EPS8: variants seen among roughly 807,000 people sequenced by gnomAD.
EPS8 encodes epidermal growth factor receptor kinase substrate 8.
Under a neutral mutation model 103.8 loss-of-function variants are expected in EPS8, and 42 were observed. The observed-to-expected ratio is 0.40, with a 90% confidence interval of 0.32 to 0.52. The LOEUF is 0.52. Ranked by LOEUF, EPS8 falls within the 20% of genes least tolerant of loss-of-function variation. The pLI is 0.40. For synonymous variants in EPS8, 344 were observed against 344.6 expected, an observed-to-expected ratio of 1.00 and a Z score of 0.02; for missense variants, 969 against 1,005.1, an observed-to-expected ratio of 0.96 and a Z score of 0.49.
intron 1 of EPS8, among the ~76,000 whole-genome samples, chr12:15,686,446 C>G (rs955308841): frequency 1.3e-5 from 2 of 152,122 alleles, no homozygotes; most frequent in Admixed American, 6.6e-5. Context: ...GTAACAGCAT[C>G]AATTTCCTTA....
At chr12:15,638,606 T>C (rs145952675) in intron 17 of EPS8, among the ~76,000 whole-genome samples, 1 of 152,320 alleles carries the variant, frequency 6.6e-6, no homozygotes, top group East Asian at 1.9e-4. Context: ...TTGAAAAGTT[T>C]AAAACGAAAT....
At chr12:15,627,296 G>A (rs1370217498) in intron 18 of EPS8, among the ~76,000 whole-genome samples, 2 of 152,072 alleles carry the variant, frequency 1.3e-5, no homozygotes, top group Non-Finnish European at 2.9e-5. Flanking sequence ...GAGCCACCGC[G>A]CCCAGCCAAC....
chr12:15,769,542 A>T lies in EPS8; in HGVS notation c.-22+19619T>A, dbSNP rs1026544938. 6.6e-6 allele frequency among the ~76,000 whole-genome samples: 1 copy of T among 152,210 alleles called. No individual in the cohort carries two copies. Among genetic ancestry groups the T allele is most frequent in the African/African-American group, 2.4e-5 (1 of 41,464 alleles). Reference sequence around the variant, plus strand: ...TTGTTGGCAAATATTAAGAAAAAACATTTTCACAGAAATATCTTGAGTATA... The same window carrying T: ...TTGTTGGCAAATATTAAGAAAAAACTTTTTCACAGAAATATCTTGAGTATA... On this transcript the variant is annotated intron_variant, in intron 1 of 20. Transcript: ENST00000281172. The surrounding 1 kb of genome is among the most constrained non-coding windows in gnomAD (Gnocchi z 4.6).
At position 15,777,282 on chromosome 12, in the gene EPS8, C is replaced by A. The variant is rs1947216872; in HGVS notation, c.-22+11879G>T. On this transcript the variant is annotated intron_variant, in intron 1 of 20. Coordinates refer to ENST00000281172, the MANE Select transcript of EPS8 (RefSeq NM_004447.6). The surrounding 1 kb of genome is among the most constrained non-coding windows in gnomAD (Gnocchi z 4.7). The stretch of plus-strand genomic sequence containing the variant: ...TTACAAAGCAGAATGAAAAAAAACA[C>A]ACACACACACACAAAACAAAACAAA... Among the ~76,000 whole-genome samples, 1 of 151,436 alleles carries A rather than the reference C, an allele frequency of 6.6e-6. No homozygotes were observed. The highest frequency in any genetic ancestry group is 6.6e-5 in the Admixed American group (1 of 15,192).
In EPS8 at chr12:15,682,889, T is replaced by C. The variant is rs757847043; in HGVS notation, c.59+4A>G. ...ACATATTAAATATAAACTTTTCAAC[T>C]TACTTCATCTGAGATGGGTACATTC... On this transcript the variant is annotated splice_donor_region_variant and intron_variant, in intron 2 of 20. Coordinates refer to ENST00000281172, the MANE Select transcript of EPS8 (RefSeq NM_004447.6). 1.4e-6 allele frequency: 2 copies of C among 1,455,010 alleles called. No individual in the cohort carries two copies. Among genetic ancestry groups the C allele is most frequent in the Admixed American group, 3.6e-5 (2 of 55,364 alleles). 90.1% of individuals were successfully genotyped at this position (1,455,010 alleles called of 1,614,324 possible). A position where few individuals can be genotyped will look rare whatever the true frequency, so the allele number is the denominator to read the frequency against.
At chr12:15,649,226 T>C (rs1945371194) in intron 14 of EPS8, among the ~76,000 whole-genome samples, 1 of 152,192 alleles carries the variant, frequency 6.6e-6, no homozygotes. Context: ...GACAAACTTA[T>C]ATCCTGGGAG....
rs1290489211 is a variant in EPS8 at position 15,762,404 on chromosome 12, T to C, written c.-22+26757A>G. ...TGCCTCAAAAAACTAAAAGGAGAGCTACATTATGATCCAGCAATCGCGCTG... is the reference window on the plus strand; with the variant it reads ...TGCCTCAAAAAACTAAAAGGAGAGCCACATTATGATCCAGCAATCGCGCTG... On this transcript the variant is annotated intron_variant, in intron 1 of 20. Transcript: ENST00000281172. This position sits in a 1 kb window ranked among gnomAD's most constrained non-coding sequence, Gnocchi z 4.8. Among the ~76,000 whole-genome samples the C allele has an allele frequency of 6.6e-6, 1 of 152,160 alleles. No individual in the cohort carries two copies. Among genetic ancestry groups the C allele is most frequent in the Non-Finnish European group, 1.5e-5 (1 of 68,022 alleles).
chr12:15,758,627 C>T (rs373033164), intron 1 of EPS8, among the ~76,000 whole-genome samples: 8 of 152,202 alleles, frequency 5.3e-5, no homozygotes, highest in Non-Finnish European at 8.8e-5. Context: ...GATAACTAAA[C>T]GCAACACATT....
Position 15,698,355 on chromosome 12 carries a change from C to T in EPS8, c.-21-15383G>A, listed in dbSNP as rs1264728090. 6.6e-6 allele frequency among the ~76,000 whole-genome samples: 1 copy of T among 152,026 alleles called. No homozygotes were observed. The highest frequency in any genetic ancestry group is 2.4e-5 in the African/African-American group (1 of 41,376). On this transcript the variant is annotated intron_variant, in intron 1 of 20. Transcript: ENST00000281172. This position sits in a 1 kb window ranked among gnomAD's most constrained non-coding sequence, Gnocchi z 4.9. ...AGTTAAAACAGAAAAAATTCAGCAG[C>T]TCTAGCTTCTAACGAGAACTACTCA...
At chr12:15,753,346 A>G (rs1472373487) in intron 1 of EPS8, among the ~76,000 whole-genome samples, 2 of 152,228 alleles carry the variant, frequency 1.3e-5, no homozygotes, top group African/African-American at 4.8e-5. Flanking sequence ...GATCTCGATG[A>G]AGCTCTGTAG....
intron 1 of EPS8, among the ~76,000 whole-genome samples, chr12:15,715,661 G>C (rs564891767): frequency 6.6e-5 from 10 of 151,766 alleles, no homozygotes; most frequent in African/African-American, 1.9e-4. Flanking sequence ...CTAATTTTTT[G>C]TGTTTTTAAT....
intron 20 of EPS8, 50 bp from the exon 21 acceptor site, chr12:15,621,480 C>A: frequency 2.0e-6 from 2 of 999,124 alleles, no homozygotes; most frequent in Non-Finnish European, 3.0e-6. Context: ...GTGCAGGCTG[C>A]AGGTCATATC....
chr12:15,772,184 G>C lies in EPS8; in HGVS notation c.-22+16977C>G, dbSNP rs1947162161. Among the ~76,000 whole-genome samples, 3 of 152,046 alleles carry C rather than the reference G, an allele frequency of 2.0e-5. No homozygotes were observed. The highest frequency in any genetic ancestry group is 2.1e-4 in the South Asian group (1 of 4,820). ...GGGGCAGAAAGGTGGGTAAGAAAAA[G>C]AGTCCAGGAAAAATTCAGATTTCTA... On this transcript the variant is annotated intron_variant, in intron 1 of 20. Transcript: ENST00000281172. The surrounding 1 kb of genome is among the most constrained non-coding windows in gnomAD (Gnocchi z 5.0).
At chr12:15,723,815 T>G (rs1340041251) in intron 1 of EPS8, among the ~76,000 whole-genome samples, 1 of 152,148 alleles carries the variant, frequency 6.6e-6, no homozygotes, top group Non-Finnish European at 1.5e-5. Context: ...AGTAAAGTCA[T>G]TTTATACTTA....
In EPS8 at chr12:15,669,833, T is replaced by C. The variant is rs180899529; in HGVS notation, c.205-8A>G. 29 of 1,575,852 alleles carry C rather than the reference T, an allele frequency of 1.8e-5. No homozygotes were observed. Among genetic ancestry groups the C allele is most frequent in the Admixed American group, 9.7e-5 (5 of 51,346 alleles). On this transcript the variant is annotated splice_polypyrimidine_tract_variant and splice_region_variant and intron_variant, in intron 4 of 20. Coordinates refer to ENST00000281172, the MANE Select transcript of EPS8 (RefSeq NM_004447.6). ...GACAAAGGTAGTCAAGTGCTTACAATTGGCAAAAAGGAAAAAGATTTATAA... is the reference window on the plus strand; with the variant it reads ...GACAAAGGTAGTCAAGTGCTTACAACTGGCAAAAAGGAAAAAGATTTATAA...
rs976055270 is a variant in EPS8, at chr12:15,735,957, C to T, written c.-21-52985G>A. 2.6e-5 allele frequency among the ~76,000 whole-genome samples: 4 copies of T among 152,202 alleles called. No individual in the cohort carries two copies. Among genetic ancestry groups the T allele is most frequent in the East Asian group, 3.8e-4 (2 of 5,204 alleles). On this transcript the variant is annotated intron_variant, in intron 1 of 20. Coordinates refer to ENST00000281172, the MANE Select transcript of EPS8 (RefSeq NM_004447.6). The surrounding 1 kb of genome is among the most constrained non-coding windows in gnomAD (Gnocchi z 4.4). ...CTGAAGTACAGTGTCATTATCATAG[C>T]TCACTGCAGCCTCAACCTCCTGGGC...
At chr12:15,768,310 C>T (rs1318863214) in intron 1 of EPS8, among the ~76,000 whole-genome samples, 1 of 150,906 alleles carries the variant, frequency 6.6e-6, no homozygotes, top group Non-Finnish European at 1.5e-5. Flanking sequence ...TGGTGGCGGG[C>T]ACCTGTAATC....
intron 1 of EPS8, among the ~76,000 whole-genome samples, chr12:15,694,378 T>C (rs1287213731): frequency 6.6e-6 from 1 of 152,192 alleles, no homozygotes; most frequent in African/African-American, 2.4e-5. Flanking sequence ...AAATTCTGTT[T>C]TCAAATCCCA....
At position 15,780,971 on chromosome 12, in the gene EPS8, C is replaced by T. The variant is rs1035267377; in HGVS notation, c.-22+8190G>A. Reference sequence around the variant, plus strand: ...GTGTCATATGGCTGACACATATGGTCATATGTTGGCCTTAAATACATCAGG... The same window carrying T: ...GTGTCATATGGCTGACACATATGGTTATATGTTGGCCTTAAATACATCAGG... On this transcript the variant is annotated intron_variant, in intron 1 of 20. Transcript: ENST00000281172. This position sits in a 1 kb window ranked among gnomAD's most constrained non-coding sequence, Gnocchi z 4.1. Among the ~76,000 whole-genome samples, 2 of 152,156 alleles carry T rather than the reference C, an allele frequency of 1.3e-5. No individual in the cohort carries two copies. Among genetic ancestry groups the T allele is most frequent in the Non-Finnish European group, 2.9e-5 (2 of 68,026 alleles).
Sources: allele counts gnomAD v4.1 joint callset (sites outside exome capture counted in the v4.1 genomes callset), GRCh38; gene constraint gnomAD v4.1.1; non-coding constraint Gnocchi (gnomAD v3.1); transcripts MANE v1.5; gene names NCBI Gene and HGNC (gene_info 2026-07-23, HGNC 2026-07-21).